SLC35F3: variants seen among roughly 807,000 people sequenced by gnomAD.
SLC35F3 encodes the protein solute carrier family 35 member F3, also known as putative thiamine transporter SLC35F3.
Under a neutral mutation model 49.9 loss-of-function variants are expected in SLC35F3, and 25 were observed. That is an observed-to-expected ratio of 0.50 (90% CI 0.37 to 0.70). SLC35F3 has a LOEUF of 0.70. SLC35F3 is among the 30% of genes least tolerant of loss of function. The probability of loss-of-function intolerance (pLI) is 0.00; values close to 1 mark genes in which losing one functional copy is unlikely to be tolerated. For missense variants in SLC35F3, 525 were observed against 639.8 expected (o/e 0.82, Z 1.94); for synonymous variants, 275 against 265.4 (o/e 1.04, Z -0.35).
chr1:234,128,345 C>T (rs114355617), intron 2 of SLC35F3, among the ~76,000 whole-genome samples: 1,608 of 152,216 alleles, frequency 0.011, 30 homozygotes, highest in African/African-American at 0.036. Context: ...AAGATTCAGG[C>T]GCTGAAAGCC....
intron 2 of SLC35F3, among the ~76,000 whole-genome samples, chr1:234,166,210 G>C (rs572756502): frequency 2.0e-4 from 31 of 152,206 alleles, no homozygotes; most frequent in Middle Eastern, 3.4e-3. Context: ...AGTACAGAGA[G>C]TTCCCATATA....
At chr1:234,090,637 T>C (rs962178936) in intron 2 of SLC35F3, among the ~76,000 whole-genome samples, 1 of 152,174 alleles carries the variant, frequency 6.6e-6, no homozygotes, top group African/African-American at 2.4e-5. Context: ...TTAAGACCCA[T>C]GGTCAGAAAA....
intron 2 of SLC35F3, among the ~76,000 whole-genome samples, chr1:234,081,751 T>G (rs1479958699): frequency 6.6e-6 from 1 of 151,714 alleles, no homozygotes; most frequent in African/African-American, 2.4e-5. Context: ...TTTTTTTTTT[T>G]CTTTGACACA....
At chr1:233,906,085 C>A (rs1661772000) in intron 2 of SLC35F3, among the ~76,000 whole-genome samples, 1 of 152,224 alleles carries the variant, frequency 6.6e-6, no homozygotes, top group Admixed American at 6.5e-5. Flanking sequence ...GTATCCCGGA[C>A]AGTGTGGCTT....
At chr1:234,240,700 AATG>A (rs993714440) in intron 3 of SLC35F3, among the ~76,000 whole-genome samples, 13 of 152,200 alleles carry the variant, frequency 8.5e-5, no homozygotes, top group African/African-American at 2.7e-4. Flanking sequence ...ATAAAATAAT[AATG>A]ATGATGATGA....
intron 2 of SLC35F3, among the ~76,000 whole-genome samples, chr1:234,065,409 A>G (rs9435501): frequency 0.021 from 3,208 of 152,220 alleles, 119 homozygotes; most frequent in African/African-American, 0.073. Context: ...AGCCTCCCAA[A>G]GTGCTGGTAT....
chr1:234,015,209 G>A (rs1040784586), intron 2 of SLC35F3, among the ~76,000 whole-genome samples: 8 of 152,004 alleles, frequency 5.3e-5, no homozygotes, highest in Non-Finnish European at 7.4e-5. Context: ...AGCCAGGTGC[G>A]GTGTGGTGTG....
In SLC35F3 at chr1:234,214,761, C is replaced by A; in HGVS notation, c.284-16656C>A. On this transcript the variant is annotated intron_variant, in intron 2 of 7. Coordinates refer to ENST00000366618, the MANE Select transcript of SLC35F3 (RefSeq NM_173508.4). This position sits in a 1 kb window ranked among gnomAD's most constrained non-coding sequence, Gnocchi z 8.0. ...TGGCAGCTTCAGGGGCTGCCCTGAG[C>A]TCCCTGGCGAGCAGGAGTGAGCTGC... 1 of 751,198 alleles carries A rather than the reference C, an allele frequency of 1.3e-6. No individual in the cohort carries two copies. Among genetic ancestry groups the A allele is most frequent in the Non-Finnish European group, 1.9e-6 (1 of 514,442 alleles). 46.5% of individuals were successfully genotyped at this position (751,198 alleles called of 1,614,324 possible). A position where few individuals can be genotyped will look rare whatever the true frequency, so the allele number is the denominator to read the frequency against.
intron 2 of SLC35F3, among the ~76,000 whole-genome samples, chr1:234,218,594 A>G (rs1219059559): frequency 6.6e-6 from 1 of 152,214 alleles, no homozygotes; most frequent in Non-Finnish European, 1.5e-5. Flanking sequence ...AGATAAGGAA[A>G]CTGAGGCTCA....
chr1:234,293,568 A>C (rs1668541779), intron 3 of SLC35F3, among the ~76,000 whole-genome samples: 1 of 152,236 alleles, frequency 6.6e-6, no homozygotes, highest in Non-Finnish European at 1.5e-5. Context: ...AGCCATCAGC[A>C]TGTGCCATGG....
chr1:234,284,483 T>A (rs12041160), intron 3 of SLC35F3, among the ~76,000 whole-genome samples: 41,459 of 152,074 alleles, frequency 0.27, 5,878 homozygotes, highest in African/African-American at 0.32. Flanking sequence ...AACTATCAGT[T>A]TGGTTTCAGA....
At chr1:233,910,849 T>C (rs919978433) in intron 2 of SLC35F3, among the ~76,000 whole-genome samples, 1 of 152,150 alleles carries the variant, frequency 6.6e-6, no homozygotes, top group Non-Finnish European at 1.5e-5. Context: ...TTCCAGAATG[T>C]GAATGGAATG....
rs931696698 is a variant in SLC35F3, at chr1:234,275,761, AAAAT to A, written c.609-33338_609-33335del. ...ATCATTGGTAAGTATTGAAAAAAAA[AAAAT>A]ATATATATATATATATAGCACAGAA... On this transcript the variant is annotated intron_variant, in intron 3 of 7. Coordinates refer to ENST00000366618, the MANE Select transcript of SLC35F3 (RefSeq NM_173508.4). 1.6e-4 allele frequency among the ~76,000 whole-genome samples: 22 copies of A among 137,324 alleles called. 1 individual carries two copies. Among genetic ancestry groups the A allele is most frequent in the African/African-American group, 5.8e-4 (21 of 36,020 alleles). The allele number at this position is 137,324 out of a possible 152,430, so 90.1% of individuals were successfully genotyped here.
chr1:234,266,873 G>GTTTTT (rs34040004), intron 3 of SLC35F3, among the ~76,000 whole-genome samples: 699 of 108,328 alleles, frequency 6.5e-3, no homozygotes, highest in East Asian at 9.1e-3. Flanking sequence ...GAAGCACATG[G>GTTTTT]TTTTTTTTTT....
intron 3 of SLC35F3, among the ~76,000 whole-genome samples, chr1:234,289,015 A>T (rs1668465239): frequency 6.6e-6 from 1 of 152,222 alleles, no homozygotes; most frequent in Non-Finnish European, 1.5e-5. Context: ...TCACACTCAC[A>T]GTAATCCAGG....
At chr1:234,038,663 G>A (rs1212218191) in intron 2 of SLC35F3, among the ~76,000 whole-genome samples, 1 of 152,206 alleles carries the variant, frequency 6.6e-6, no homozygotes, top group African/African-American at 2.4e-5. Flanking sequence ...ATCAGACTGT[G>A]TGTTTTATTC....
chr1:233,973,637 G>C (rs766743016), intron 2 of SLC35F3, among the ~76,000 whole-genome samples: 112 of 152,282 alleles, frequency 7.4e-4, no homozygotes, highest in Non-Finnish European at 1.0e-3. Context: ...ACCGACAAAA[G>C]GCTAAGCGAG....
intron 2 of SLC35F3, among the ~76,000 whole-genome samples, chr1:234,196,094 G>A (rs886856784): frequency 2.6e-5 from 4 of 152,082 alleles, no homozygotes; most frequent in Non-Finnish European, 5.9e-5. Flanking sequence ...CTCAGACACT[G>A]GACCAAACTG....
intron 3 of SLC35F3, among the ~76,000 whole-genome samples, chr1:234,271,095 T>C (rs964488278): frequency 1.3e-5 from 2 of 152,242 alleles, no homozygotes; most frequent in East Asian, 1.9e-4. Context: ...CTGTGGAATT[T>C]TATTGCTGTT....
Sources: gnomAD v4.1 joint callset for allele counts (sites outside exome capture counted in the v4.1 genomes callset) on GRCh38, gnomAD v4.1.1 for gene constraint, Gnocchi (gnomAD v3.1) non-coding constraint, MANE v1.5 for transcripts, NCBI Gene and HGNC (gene_info 2026-07-23, HGNC 2026-07-21) for gene names.